THSD8: variants seen among roughly 807,000 people sequenced by gnomAD.
THSD8 encodes the protein thrombospondin type-1 domain-containing protein 8.
intron 1 of THSD8, among the ~76,000 whole-genome samples, chr19:12,802,551 AC>A (rs1968921623): frequency 6.6e-6 from 1 of 152,156 alleles, no homozygotes; most frequent in Non-Finnish European, 1.5e-5. Context: ...ATTGCAGAAG[AC>A]CCGTGACCAG....
chr19:12,804,109 G>C lies in THSD8; in HGVS notation c.154G>C (p.Glu52Gln), dbSNP rs1233797382. 7 of 398,308 alleles carry C rather than the reference G, an allele frequency of 1.8e-5. No individual in the cohort carries two copies. Among genetic ancestry groups the C allele is most frequent in the Non-Finnish European group, 3.1e-5 (7 of 226,056 alleles). The allele number at this position is 398,308 out of a possible 1,614,324, so 24.7% of individuals were successfully genotyped here. ...CCTCTGCCCTCCTTCTCTAGAAGTC[G>C]AGGACTCAATCCTTGGCCCGTGGGG... ...QLRLQHLKEV[E>Q]DSILGPWGKW... The change falls in exon 2 of 2, where the codon GAG (glutamate) becomes CAG (glutamine). Residue 52 changes from glutamate to glutamine, a missense_variant. Transcript: ENST00000639810.
chr19:12,802,099 C>T lies in THSD8; in HGVS notation c.28C>T (p.Leu10=). 2.5e-6 allele frequency: 1 copy of T among 398,708 alleles called. No individual in the cohort carries two copies. The highest frequency in any genetic ancestry group is 4.4e-6 in the Non-Finnish European group (1 of 226,106). The allele number at this position is 398,708 out of a possible 1,614,324, so 24.7% of individuals were successfully genotyped here. A position where few individuals can be genotyped will look rare whatever the true frequency, so the allele number is the denominator to read the frequency against. Residue 10 remains leucine (L), a synonymous_variant, in exon 1 of 2, where the codon CTG becomes TTG. Transcript: ENST00000639810. MARTPGALL[L]APLLLLQLAT... is the part of the protein sequence containing the mutation. ...GGCGCGGACCCCGGGGGCGCTGCTG[C>T]TGGCGCCTCTGCTACTCCTGCAGCT... is the stretch of plus-strand genomic sequence containing the variant.
Position 12,804,361 on chromosome 19 carries a change from G to A in THSD8, c.*58G>A. The A allele has an allele frequency of 2.5e-6, 1 of 398,432 alleles. No homozygotes were observed. Among genetic ancestry groups the A allele is most frequent in the Non-Finnish European group, 4.4e-6 (1 of 225,996 alleles). The allele number at this position is 398,432 out of a possible 1,614,324, so 24.7% of individuals were successfully genotyped here. On this transcript the variant is annotated 3_prime_UTR_variant, in exon 2 of 2. Coordinates refer to ENST00000639810, the MANE Select transcript of THSD8 (RefSeq NM_001386800.1). ...GCGGGGCCCAGGGTGGGCGCGGAGG[G>A]AGGATGTGCGGTGCGGGGCGGGTAT... is the stretch of plus-strand genomic sequence containing the variant.
intron 1 of THSD8, among the ~76,000 whole-genome samples, chr19:12,803,494 G>T (rs1431056701): frequency 6.6e-6 from 1 of 152,132 alleles, no homozygotes; most frequent in African/African-American, 2.4e-5. Flanking sequence ...CAACTGGGCA[G>T]GCTGGCACAG....
At position 12,802,177 on chromosome 19, in the gene THSD8, G is replaced by A. The variant is rs1406389502; in HGVS notation, c.106G>A (p.Glu36Lys). Residue 36 changes from glutamate (E) to lysine (K), a missense_variant, in exon 1 of 2, where the codon GAA becomes AAA. By Grantham distance (56) the Glu-to-Lys change is moderately conservative. Transcript: ENST00000639810. ...CTATCAGTACTTAGGGCAGCAGGGC[G>A]AAGGTGACAGCTGGGAGCAGCTGAG... is the stretch of plus-strand genomic sequence containing the variant. ...QDYQYLGQQG[E>K]GDSWEQLRLQ... 7 of 398,586 alleles carry A rather than the reference G, an allele frequency of 1.8e-5. No homozygotes were observed. The Admixed American group carries it at 2.2e-4, about 13-fold the overall frequency. 24.7% of individuals were successfully genotyped at this position (398,586 alleles called of 1,614,324 possible). A position where few individuals can be genotyped will look rare whatever the true frequency, so the allele number is the denominator to read the frequency against.
chr19:12,802,615 T>C (rs955919723), intron 1 of THSD8, among the ~76,000 whole-genome samples: 1 of 151,990 alleles, frequency 6.6e-6, no homozygotes, highest in African/African-American at 2.4e-5. Context: ...GGGGAAAGAA[T>C]GTCCAAGGAA....
chr19:12,802,169 A>C lies in THSD8; in HGVS notation c.98A>C (p.Gln33Pro). Residue 33 changes from glutamine to proline, a missense_variant, in exon 1 of 2, where the codon CAG becomes CCG. Physicochemically the swap from Gln to Pro is moderately conservative, Grantham distance 76. Coordinates refer to ENST00000639810, the MANE Select transcript of THSD8 (RefSeq NM_001386800.1). ...TACCAGGACTATCAGTACTTAGGGC[A>C]GCAGGGCGAAGGTGACAGCTGGGAG... ...LVYQDYQYLG[Q>P]QGEGDSWEQL... The C allele has an allele frequency of 2.5e-6, 1 of 398,698 alleles. No homozygotes were observed. 24.7% of individuals were successfully genotyped at this position (398,698 alleles called of 1,614,324 possible). A position where few individuals can be genotyped will look rare whatever the true frequency, so the allele number is the denominator to read the frequency against.
At chr19:12,802,860 C>T (rs1300791381) in intron 1 of THSD8, among the ~76,000 whole-genome samples, 1 of 152,102 alleles carries the variant, frequency 6.6e-6, no homozygotes, top group Admixed American at 6.6e-5. Context: ...CGCCTATAAT[C>T]CTAGCACTTT....
At chr19:12,803,399 G>A (rs1475692322) in intron 1 of THSD8, among the ~76,000 whole-genome samples, 5 of 152,308 alleles carry the variant, frequency 3.3e-5, no homozygotes, top group African/African-American at 4.8e-5. Flanking sequence ...GTGGCATTGT[G>A]CCTTCTAGGT....
intron 1 of THSD8, among the ~76,000 whole-genome samples, chr19:12,803,635 G>A (rs1221920339): frequency 3.9e-5 from 6 of 152,074 alleles, no homozygotes; most frequent in Non-Finnish European, 1.5e-5. Flanking sequence ...GGCCAGGCAT[G>A]GTGGCTGGCT....
chr19:12,803,607 C>T (rs975371448), intron 1 of THSD8, among the ~76,000 whole-genome samples: 2 of 152,004 alleles, frequency 1.3e-5, no homozygotes, highest in Non-Finnish European at 2.9e-5. Flanking sequence ...ACCTGAGACT[C>T]GTGGAAATAT....
rs544097401 is a variant in THSD8, at chr19:12,802,431, A to G, written c.148+212A>G. On this transcript the variant is annotated intron_variant, in intron 1 of 1. Coordinates refer to ENST00000639810, the MANE Select transcript of THSD8 (RefSeq NM_001386800.1). ...CTGCTTTAAAGCAGCTCCCAGGGGA[A>G]GAGAGGGTGTGGGCAGGACACTGAA... Among the ~76,000 whole-genome samples the G allele has an allele frequency of 1.1e-3, 164 of 152,292 alleles. 3 individuals carry two copies. In the South Asian group the frequency reaches 0.033, roughly 30 times the overall value.
At chr19:12,802,510 C>T (rs1176783472) in intron 1 of THSD8, among the ~76,000 whole-genome samples, 2 of 152,088 alleles carry the variant, frequency 1.3e-5, no homozygotes, top group Non-Finnish European at 2.9e-5. Context: ...AAGAAGGGGG[C>T]GGGCAAGCTT....
intron 1 of THSD8, among the ~76,000 whole-genome samples, 171 bp from the exon 2 acceptor site, chr19:12,803,933 A>AAAAAAAAAGCTT (rs927430159): frequency 2.0e-5 from 3 of 149,898 alleles, no homozygotes; most frequent in Admixed American, 1.3e-4. Flanking sequence ...AAAAAAAAAA[A>AAAAAAAAAGCTT]AAAAAGCTTA....
chr19:12,803,262 ATAAAT>A (rs1968931836), intron 1 of THSD8, among the ~76,000 whole-genome samples: 1 of 152,146 alleles, frequency 6.6e-6, no homozygotes, highest in Non-Finnish European at 1.5e-5. Flanking sequence ...CTCAAAATAA[ATAAAT>A]TAAATAAATA....
At chr19:12,803,911 C>CA (rs761806696) in intron 1 of THSD8, among the ~76,000 whole-genome samples, 193 bp from the exon 2 acceptor site, 2,320 of 34,790 alleles carry the variant, frequency 0.067, 514 homozygotes, top group East Asian at 0.18. Context: ...GACCCTGTCT[C>CA]AAAAAAAAAA....
intron 1 of THSD8, among the ~76,000 whole-genome samples, chr19:12,803,766 G>A (rs1264213645): frequency 1.3e-5 from 2 of 151,842 alleles, no homozygotes; most frequent in Non-Finnish European, 2.9e-5. Context: ...CAAAAAATTA[G>A]CCAGGCACAG....
At position 12,804,294 on chromosome 19, in the gene THSD8, G is replaced by C. The variant is rs1346751980; in HGVS notation, c.339G>C (p.Trp113Cys). 6 of 398,528 alleles carry C rather than the reference G, an allele frequency of 1.5e-5. No homozygotes were observed. The highest frequency in any genetic ancestry group is 2.7e-5 in the Non-Finnish European group (6 of 226,098). The allele number at this position is 398,528 out of a possible 1,614,324, so 24.7% of individuals were successfully genotyped here. The change falls in exon 2 of 2, where the codon TGG becomes TGC. Residue 113 changes from tryptophan (W) to cysteine (C), a missense_variant. By Grantham distance (215) the Trp-to-Cys change is radical. Coordinates refer to ENST00000639810, the MANE Select transcript of THSD8 (RefSeq NM_001386800.1). The part of the protein sequence containing the change: ...CPSCKPFDCD[W>C]RL Reference sequence around the variant, plus strand: ...CCTGCAAGCCCTTCGACTGCGACTGGAGGCTCTGAGCCCGGGTGAGAGAGC... The same window carrying C: ...CCTGCAAGCCCTTCGACTGCGACTGCAGGCTCTGAGCCCGGGTGAGAGAGC...
At position 12,802,221 on chromosome 19, in the gene THSD8, T is replaced by A; in HGVS notation, c.148+2T>A. The A allele has an allele frequency of 2.5e-6, 1 of 398,598 alleles. No individual in the cohort carries two copies. Among genetic ancestry groups the A allele is most frequent in the East Asian group, 3.6e-5 (1 of 28,076 alleles). 24.7% of individuals were successfully genotyped at this position (398,598 alleles called of 1,614,324 possible). On this transcript the variant is annotated splice_donor_variant, in intron 1 of 1. Transcript: ENST00000639810. LOFTEE classifies it high-confidence loss of function. ...AGCTGAGGCTGCAGCATCTAAAGGG[T>A]AACCTCAGGCGGCGGGGATGACGAT...
Sources: gnomAD v4.1 joint callset for allele counts (sites outside exome capture counted in the v4.1 genomes callset) on GRCh38, gnomAD v4.1.1 for gene constraint, MANE v1.5 for transcripts, NCBI Gene and HGNC (gene_info 2026-07-23, HGNC 2026-07-21) for gene names.